Variants in KCNH8 observed in about 807,000 individuals in gnomAD.
KCNH8 encodes the protein potassium voltage-gated channel subfamily H member 8.
In KCNH8, 70 loss-of-function variants were observed where a neutral mutation model predicts 103.6. That is an observed-to-expected ratio of 0.68 (90% CI 0.56 to 0.82). KCNH8 has a LOEUF of 0.82. Among genes scored for constraint, KCNH8 ranks in the 40% least tolerant of loss-of-function variants. KCNH8 has a pLI of 0.00. For missense variants in KCNH8, 1,217 were observed against 1,329.9 expected, an observed-to-expected ratio of 0.92 and a Z score of 1.32; for synonymous variants, 498 against 489.4, an observed-to-expected ratio of 1.02 and a Z score of -0.23.
At chr3:19,475,560 TAAGA>T (rs1390794708) in intron 11 of KCNH8, among the ~76,000 whole-genome samples, 5 of 152,176 alleles carry the variant, frequency 3.3e-5, no homozygotes, top group Non-Finnish European at 5.9e-5. Context: ...TTCAAAAGGT[TAAGA>T]AAATGTCTAT....
intron 5 of KCNH8, among the ~76,000 whole-genome samples, chr3:19,379,750 A>G (rs1454568707): frequency 2.6e-5 from 4 of 152,194 alleles, no homozygotes; most frequent in African/African-American, 9.7e-5. Context: ...GCATTACTCA[A>G]TTTTTGGAGC....
intron 7 of KCNH8, among the ~76,000 whole-genome samples, chr3:19,427,036 C>T (rs1176971791): frequency 6.6e-6 from 1 of 152,012 alleles, no homozygotes; most frequent in African/African-American, 2.4e-5. Context: ...CAAAGGGTAC[C>T]AATGGACATG....
intron 5 of KCNH8, among the ~76,000 whole-genome samples, chr3:19,351,844 C>T (rs2065807239): frequency 6.6e-6 from 1 of 152,076 alleles, no homozygotes; most frequent in African/African-American, 2.4e-5. Context: ...AGCAAAATAA[C>T]CAGCTGACAT....
intron 11 of KCNH8, among the ~76,000 whole-genome samples, chr3:19,503,937 T>C (rs2068642228): frequency 6.6e-6 from 1 of 151,632 alleles, no homozygotes; most frequent in Non-Finnish European, 1.5e-5. Flanking sequence ...ATAATAATAA[T>C]AATAATAAAG....
At chr3:19,359,154 CA>C (rs35521912) in intron 5 of KCNH8, among the ~76,000 whole-genome samples, 14,774 of 151,482 alleles carry the variant, frequency 0.098, 928 homozygotes, top group Middle Eastern at 0.17. Flanking sequence ...AAATCTAATA[CA>C]AAATTACTAG....
intron 9 of KCNH8, chr3:19,450,784 A>G (rs1393163908): frequency 3.7e-6 from 1 of 272,932 alleles, no homozygotes; most frequent in South Asian, 4.4e-5. Context: ...CCTGTAACCA[A>G]CATTTTAGTA....
intron 13 of KCNH8, among the ~76,000 whole-genome samples, chr3:19,514,519 T>C (rs2068840437): frequency 6.6e-6 from 1 of 151,882 alleles, no homozygotes. Flanking sequence ...GAAAATAATA[T>C]TTTGAGGACA....
chr3:19,394,188 T>C (rs1057254106), intron 6 of KCNH8, among the ~76,000 whole-genome samples: 2 of 152,038 alleles, frequency 1.3e-5, no homozygotes, highest in Non-Finnish European at 2.9e-5. Flanking sequence ...ATCAAGAAGT[T>C]TGTCAAACTG....
intron 3 of KCNH8, among the ~76,000 whole-genome samples, chr3:19,337,289 A>G (rs937057136): frequency 6.6e-6 from 1 of 152,134 alleles, no homozygotes; most frequent in Non-Finnish European, 1.5e-5. Flanking sequence ...AAGAACCAAG[A>G]CAAAGTTCCT....
intron 5 of KCNH8, among the ~76,000 whole-genome samples, chr3:19,374,856 C>T (rs2066166038): frequency 6.6e-6 from 1 of 152,092 alleles, no homozygotes; most frequent in African/African-American, 2.4e-5. Flanking sequence ...TTTCTCCCTT[C>T]ACTTATGAAG....
intron 3 of KCNH8, among the ~76,000 whole-genome samples, chr3:19,297,647 A>G (rs1050280982): frequency 1.3e-5 from 2 of 152,216 alleles, no homozygotes; most frequent in African/African-American, 2.4e-5. Flanking sequence ...ACACCTGGAA[A>G]ATTGATTTTC....
chr3:19,387,987 G>A (rs1346614308), intron 5 of KCNH8, among the ~76,000 whole-genome samples: 4 of 150,250 alleles, frequency 2.7e-5, no homozygotes, highest in Non-Finnish European at 5.9e-5. Flanking sequence ...AGTGAACCAC[G>A]TAACTAACCA....
At chr3:19,511,319 G>C (rs886490237) in intron 12 of KCNH8, among the ~76,000 whole-genome samples, 2 of 152,068 alleles carry the variant, frequency 1.3e-5, no homozygotes, top group Non-Finnish European at 2.9e-5. Flanking sequence ...ACTTGTCCAA[G>C]ACACCAAGTC....
In KCNH8 at chr3:19,513,115, T is replaced by C. The variant is rs765171515; in HGVS notation, c.2225T>C (p.Val742Ala). Reference sequence around the variant, plus strand: ...GGATCTTCTTCGCGCAACAAGAAGGTTGGAAGCAATAAAGCCTACCTGGGC... The same window carrying C: ...GGATCTTCTTCGCGCAACAAGAAGGCTGGAAGCAATAAAGCCTACCTGGGC... ...TRGSSSRNKK[V>A]GSNKAYLGLS... The change falls in exon 13 of 16, where the codon GTT becomes GCT. Residue 742 changes from valine (V) to alanine (A), a missense_variant. Val to Ala is a moderately conservative substitution (Grantham distance 64). Transcript: ENST00000328405. 1.7e-5 allele frequency: 27 copies of C among 1,613,808 alleles called. No homozygotes were observed. Among genetic ancestry groups the C allele is most frequent in the Non-Finnish European group, 2.3e-5 (27 of 1,179,920 alleles).
At chr3:19,510,530 A>G (rs2068765923) in intron 12 of KCNH8, 129 bp downstream of exon 12, 2 of 672,588 alleles carry the variant, frequency 3.0e-6, no homozygotes, top group East Asian at 5.5e-5. Context: ...TCCCAATAAG[A>G]GATGTGGCAA....
intron 2 of KCNH8, among the ~76,000 whole-genome samples, chr3:19,260,503 T>TGG (rs2064418180): frequency 9.1e-6 from 1 of 110,120 alleles, no homozygotes; most frequent in Admixed American, 8.6e-5. Context: ...TATATATATA[T>TGG]ATATATATAT....
chr3:19,308,735 TCC>T (rs2065169079), intron 3 of KCNH8, among the ~76,000 whole-genome samples: 1 of 45,016 alleles, frequency 2.2e-5, no homozygotes. Flanking sequence ...TCTCCCTCTC[TCC>T]CTCTCTCCCT....
rs767903186 is a variant in KCNH8 at position 19,513,175 on chromosome 3, C to G, written c.2285C>G (p.Pro762Arg). ...SLKQLASGTV[P>R]FHSPIRVSRS... ...AAGCAACTGGCCTCGGGAACGGTGC[C>G]CTTTCACTCGCCTATCAGAGTCTCC... Residue 762 changes from proline (P) to arginine (R), a missense_variant, in exon 13 of 16, where the codon CCC (proline) becomes CGC (arginine). Physicochemically the swap from Pro to Arg is moderately radical, Grantham distance 103 (BLOSUM62 -2). Transcript: ENST00000328405. 11 of 1,613,778 alleles carry G rather than the reference C, an allele frequency of 6.8e-6. No individual in the cohort carries two copies. The highest frequency in any genetic ancestry group is 1.6e-4 in the Middle Eastern group (1 of 6,084).
chr3:19,404,976 CA>C (rs2066670395), intron 7 of KCNH8, among the ~76,000 whole-genome samples: 1 of 151,540 alleles, frequency 6.6e-6, no homozygotes, highest in Non-Finnish European at 1.5e-5. Flanking sequence ...TGGGGTATAG[CA>C]GGTAGAATAG....
Sources: allele counts gnomAD v4.1 joint callset (sites outside exome capture counted in the v4.1 genomes callset), GRCh38; gene constraint gnomAD v4.1.1; transcripts MANE v1.5; gene names NCBI Gene and HGNC (gene_info 2026-07-23, HGNC 2026-07-21).